The following GRAMD1B variants were observed in gnomAD, a reference collection of about 807,000 sequenced individuals.
GRAMD1B encodes GRAM domain containing 1B.
GRAMD1B carries 37 observed loss-of-function variants against 99.7 expected under a neutral mutation model. The ratio of observed to expected loss-of-function variants is 0.37; its 90% CI spans 0.29 to 0.49. The LOEUF (loss-of-function observed/expected upper bound fraction) is 0.49, where lower values mean the gene tolerates loss of function less well. GRAMD1B is among the 20% of genes least tolerant of loss of function. GRAMD1B has a pLI of 0.98. For missense variants in GRAMD1B, 888 were observed against 1,009.2 expected (o/e 0.88, Z 1.63); for synonymous variants, 427 against 387.6 (o/e 1.10, Z -1.19).
intron 1 of GRAMD1B, among the ~76,000 whole-genome samples, chr11:123,450,472 C>T (rs574285557): frequency 6.2e-4 from 95 of 152,294 alleles, no homozygotes; most frequent in African/African-American, 2.1e-3. Context: ...AGAGTCTGCC[C>T]TACAGGGGCT....
chr11:123,609,826 G>A lies in GRAMD1B; in HGVS notation c.1689G>A (p.Glu563=). ...DIIFHPWKKE[E]NGNQSRVILY... is the part of the protein sequence containing the mutation. ...TCTTCCATCCATGGAAAAAGGAGGA[G>A]AATGGAAACCAGAGCCGAGTGATTC... Residue 563 remains glutamate, a synonymous_variant, in exon 13 of 20, where the codon GAG becomes GAA. Coordinates refer to ENST00000635736, the MANE Select transcript of GRAMD1B (RefSeq NM_001387025.1). The A allele has an allele frequency of 6.2e-7, 1 of 1,602,066 alleles. No homozygotes were observed. Among genetic ancestry groups the A allele is most frequent in the Non-Finnish European group, 8.5e-7 (1 of 1,173,248 alleles).
intron 2 of GRAMD1B, among the ~76,000 whole-genome samples, chr11:123,571,002 C>T (rs923195012): frequency 5.9e-5 from 9 of 152,194 alleles, no homozygotes; most frequent in African/African-American, 2.2e-4. Flanking sequence ...ACTGGGAATG[C>T]GCCAGGGCTG....
chr11:123,567,396 G>A (rs561931951), intron 2 of GRAMD1B, among the ~76,000 whole-genome samples: 181 of 152,322 alleles, frequency 1.2e-3, no homozygotes, highest in Non-Finnish European at 2.2e-3. Context: ...AGTGATTTAT[G>A]TCTGATTTCT....
chr11:123,448,252 A>AT (rs1315333792), intron 1 of GRAMD1B, among the ~76,000 whole-genome samples: 5 of 147,458 alleles, frequency 3.4e-5, no homozygotes, highest in African/African-American at 1.3e-4. Flanking sequence ...CCCTTGTACT[A>AT]TTTTTTTATT....
chr11:123,527,981 C>T (rs1057431938), intron 2 of GRAMD1B, among the ~76,000 whole-genome samples: 9 of 152,176 alleles, frequency 5.9e-5, no homozygotes, highest in African/African-American at 1.9e-4. Flanking sequence ...ATAATTTTGT[C>T]TTCTTCAGAA....
rs1938711919 is a variant in GRAMD1B, at chr11:123,492,834, T to C, written c.452+11941T>C. On this transcript the variant is annotated intron_variant, in intron 2 of 19. Coordinates refer to ENST00000635736, the MANE Select transcript of GRAMD1B (RefSeq NM_001387025.1). This position sits in a 1 kb window ranked among gnomAD's most constrained non-coding sequence, Gnocchi z 4.2. ...GCAGTAGGTGGCTTAACCTCAATCCTCTCTCTCTCTCTGTCTCTCTCTTTC... is the reference window on the plus strand; with the variant it reads ...GCAGTAGGTGGCTTAACCTCAATCCCCTCTCTCTCTCTGTCTCTCTCTTTC... Among the ~76,000 whole-genome samples, 1 of 144,042 alleles carries C rather than the reference T, an allele frequency of 6.9e-6. No homozygotes were observed. The highest frequency in any genetic ancestry group is 1.5e-5 in the Non-Finnish European group (1 of 67,014). 94.5% of individuals were successfully genotyped at this position (144,042 alleles called of 152,430 possible).
In GRAMD1B at chr11:123,380,190, A is replaced by G. The variant is rs557139331; in HGVS notation, c.-176+21391A>G. Among the ~76,000 whole-genome samples the G allele has an allele frequency of 5.9e-5, 9 of 152,330 alleles. No individual in the cohort carries two copies. In the South Asian group the frequency reaches 1.9e-3, roughly 32 times the overall value. On this transcript the variant is annotated intron_variant, in intron 1 of 20. Transcript: ENST00000638157. Reference sequence around the variant, plus strand: ...AAACCTTCTAATTTCGATGACGTCCAGTTCACTCACCCTTTATTGCTTGTC... The same window carrying G: ...AAACCTTCTAATTTCGATGACGTCCGGTTCACTCACCCTTTATTGCTTGTC...
At chr11:123,602,489 A>G (rs1402146978) in intron 8 of GRAMD1B, among the ~76,000 whole-genome samples, 1 of 152,056 alleles carries the variant, frequency 6.6e-6, no homozygotes, top group Non-Finnish European at 1.5e-5. Flanking sequence ...TAGGAAGTCT[A>G]TCGGTGCAAA....
chr11:123,590,036 C>T (rs1329251268), intron 4 of GRAMD1B, among the ~76,000 whole-genome samples: 1 of 152,192 alleles, frequency 6.6e-6, no homozygotes, highest in African/African-American at 2.4e-5. Flanking sequence ...GGCTTTCTTG[C>T]CCCATTGGCC....
chr11:123,374,669 G>C (rs903248876), intron 1 of GRAMD1B, among the ~76,000 whole-genome samples: 5 of 152,196 alleles, frequency 3.3e-5, no homozygotes, highest in African/African-American at 1.2e-4. Flanking sequence ...AATAGACAGC[G>C]ACCCTCTGCT....
At chr11:123,386,421 T>C (rs1392564975) in intron 1 of GRAMD1B, among the ~76,000 whole-genome samples, 1 of 145,762 alleles carries the variant, frequency 6.9e-6, no homozygotes, top group Non-Finnish European at 1.5e-5. Context: ...ACTTTGAATG[T>C]TACTCACAAT....
chr11:123,564,513 C>T (rs541950360), intron 2 of GRAMD1B, among the ~76,000 whole-genome samples: 1 of 152,348 alleles, frequency 6.6e-6, no homozygotes, highest in African/African-American at 2.4e-5. Context: ...GGGGCTATTC[C>T]TCAGTTTCCT....
chr11:123,469,425 C>T (rs1210615844), intron 1 of GRAMD1B, among the ~76,000 whole-genome samples: 3 of 151,956 alleles, frequency 2.0e-5, no homozygotes, highest in Non-Finnish European at 2.9e-5. Flanking sequence ...AGACAGAGGC[C>T]GTCGGAGTGA....
chr11:123,419,767 G>A (rs78083634), intron 1 of GRAMD1B, among the ~76,000 whole-genome samples: 7 of 141,122 alleles, frequency 5.0e-5, no homozygotes, highest in African/African-American at 1.1e-4. Flanking sequence ...GAGAAAGAGA[G>A]AGAGGGAGCA....
chr11:123,456,919 CAAAAAAA>C (rs546768047), intron 1 of GRAMD1B, among the ~76,000 whole-genome samples: 5 of 81,828 alleles, frequency 6.1e-5, no homozygotes, highest in Admixed American at 4.6e-4. Context: ...GACTCTGTCT[CAAAAAAA>C]AAAAAAAAAA....
intron 2 of GRAMD1B, among the ~76,000 whole-genome samples, chr11:123,530,595 G>A (rs1249001586): frequency 6.6e-6 from 1 of 152,134 alleles, no homozygotes; most frequent in Non-Finnish European, 1.5e-5. Context: ...TGGCCAGGCT[G>A]GTCTCAAACT....
intron 2 of GRAMD1B, among the ~76,000 whole-genome samples, chr11:123,577,099 G>A (rs1315490609): frequency 1.3e-5 from 2 of 152,232 alleles, no homozygotes; most frequent in Non-Finnish European, 1.5e-5. Context: ...TTGGACGGAC[G>A]GATGGACGGA....
At chr11:123,495,009 C>T (rs566891160) in intron 2 of GRAMD1B, among the ~76,000 whole-genome samples, 4 of 152,050 alleles carry the variant, frequency 2.6e-5, no homozygotes, top group African/African-American at 4.8e-5. Flanking sequence ...CTAACTTGCT[C>T]TTCTAGGTAT....
At position 123,608,640 on chromosome 11, in the gene GRAMD1B, G is replaced by A; in HGVS notation, c.1514-19G>A. 1 of 1,574,732 alleles carries A rather than the reference G, an allele frequency of 6.4e-7. No homozygotes were observed. Among genetic ancestry groups the A allele is most frequent in the South Asian group, 1.2e-5 (1 of 85,498 alleles). On this transcript the variant is annotated intron_variant, in intron 11 of 19. Transcript: ENST00000635736. Reference sequence around the variant, plus strand: ...CCTCCGCTGTCACTGTCTACTTCCTGATCCTCTCTTCTGTGCAGGAGAGGT... The same window carrying A: ...CCTCCGCTGTCACTGTCTACTTCCTAATCCTCTCTTCTGTGCAGGAGAGGT...
Sources: gnomAD v4.1 joint callset for allele counts (sites outside exome capture counted in the v4.1 genomes callset) on GRCh38, gnomAD v4.1.1 for gene constraint, Gnocchi (gnomAD v3.1) non-coding constraint, MANE v1.5 for transcripts, NCBI Gene and HGNC (gene_info 2026-07-23, HGNC 2026-07-21) for gene names.